Variants in SUPT3H observed in about 807,000 individuals in gnomAD.
The protein encoded by SUPT3H is SPT3 homolog, SAGA and STAGA complex component.
SUPT3H carries 44 observed loss-of-function variants against 44.3 expected under a neutral mutation model. The observed-to-expected ratio is 0.99, with a 90% CI of 0.78 to 1.28. The LOEUF (loss-of-function observed/expected upper bound fraction) is 1.28, where lower values mean the gene tolerates loss of function less well. Ranked by LOEUF, SUPT3H falls within the 50% of genes most tolerant of loss-of-function variation. The pLI is 0.00. For synonymous variants in SUPT3H, 124 were observed against 125.6 expected, an observed-to-expected ratio of 0.99 and a Z score of 0.09; for missense variants, 380 against 387.1, an observed-to-expected ratio of 0.98 and a Z score of 0.15.
intron 2 of SUPT3H, among the ~76,000 whole-genome samples, chr6:45,269,172 G>A (rs748353337): frequency 5.3e-5 from 8 of 152,258 alleles, no homozygotes; most frequent in Admixed American, 6.5e-5. Flanking sequence ...AACAGGTATC[G>A]TCAAATCAAA....
intron 10 of SUPT3H, among the ~76,000 whole-genome samples, chr6:44,856,946 C>T (rs147751581): frequency 3.3e-5 from 5 of 152,152 alleles, no homozygotes; most frequent in South Asian, 2.1e-4. Context: ...ATGGGGACTT[C>T]GGTATTCACG....
chr6:45,360,486 CTG>C (rs1794063099), intron 2 of SUPT3H, among the ~76,000 whole-genome samples: 1 of 152,132 alleles, frequency 6.6e-6, no homozygotes, highest in South Asian at 2.1e-4. Flanking sequence ...TGAAGGAAGC[CTG>C]TGTTAGCTTA....
rs768625933 is a variant in SUPT3H at position 44,932,745 on chromosome 6, C to T, written c.820G>A (p.Val274Ile). The change falls in exon 10 of 11, where the codon GTT (valine) becomes ATT (isoleucine). Residue 274 changes from valine (V) to isoleucine (I), a missense_variant. Val to Ile is a conservative substitution (Grantham distance 29). Coordinates refer to ENST00000371459, the MANE Select transcript of SUPT3H (RefSeq NM_003599.4). ...TGGATGGCATCGCTGTGAGCCTCAA[C>T]ACCACAGGCTGCAGTGCTCTGCGAC... ...NSAESTAACG[V>I]EAHSDAIQPC... 3 of 1,608,332 alleles carry T rather than the reference C, an allele frequency of 1.9e-6. No individual in the cohort carries two copies. The highest frequency in any genetic ancestry group is 2.2e-5 in the East Asian group (1 of 44,560).
At chr6:45,303,701 C>G (rs963766981) in intron 2 of SUPT3H, among the ~76,000 whole-genome samples, 1 of 126,556 alleles carries the variant, frequency 7.9e-6, no homozygotes, top group South Asian at 2.5e-4. Flanking sequence ...AAGAAACAAA[C>G]AAAAAAAGCC....
At chr6:45,179,640 T>G (rs1250870550) in intron 2 of SUPT3H, among the ~76,000 whole-genome samples, 1 of 152,172 alleles carries the variant, frequency 6.6e-6, no homozygotes, top group East Asian at 1.9e-4. Flanking sequence ...CATGATTATC[T>G]CAATAGATGC....
intron 2 of SUPT3H, among the ~76,000 whole-genome samples, chr6:45,298,776 TCTCCACTAAAGTAA>T (rs1202916489): frequency 1.3e-5 from 2 of 152,026 alleles, no homozygotes; most frequent in African/African-American, 4.8e-5. Flanking sequence ...AAACTAAACC[TCTCCACTAAAGTAA>T]CTCTCTAGAA....
chr6:45,086,177 G>A (rs1796449921), intron 3 of SUPT3H, among the ~76,000 whole-genome samples: 1 of 151,908 alleles, frequency 6.6e-6, no homozygotes. Context: ...TTTAATGAGA[G>A]ACACAAAAAA....
intron 10 of SUPT3H, among the ~76,000 whole-genome samples, chr6:44,893,634 G>A (rs1282035168): frequency 1.3e-5 from 2 of 151,510 alleles, no homozygotes; most frequent in Non-Finnish European, 2.9e-5. Context: ...TTGGACATTT[G>A]GGTTGGTTCC....
chr6:44,913,768 T>G (rs1352747560), intron 10 of SUPT3H, among the ~76,000 whole-genome samples: 1 of 152,238 alleles, frequency 6.6e-6, no homozygotes, highest in Non-Finnish European at 1.5e-5. Context: ...CATATTATTC[T>G]GCTACTTGGG....
At chr6:44,947,456 T>C (rs1208443060) in intron 9 of SUPT3H, among the ~76,000 whole-genome samples, 1 of 152,172 alleles carries the variant, frequency 6.6e-6, no homozygotes, top group Non-Finnish European at 1.5e-5. Context: ...AGAAAATCCA[T>C]GTTCATGGAT....
At chr6:44,940,518 G>C (rs565956307) in intron 9 of SUPT3H, among the ~76,000 whole-genome samples, 3 of 152,190 alleles carry the variant, frequency 2.0e-5, no homozygotes, top group African/African-American at 7.2e-5. Flanking sequence ...CAGTTGTTGG[G>C]TAGAATGTTC....
Position 45,113,729 on chromosome 6 carries a change from T to C in SUPT3H, c.102-7723A>G, listed in dbSNP as rs149411009. ...CCTGTAACCCCAGCTACTTGGGAGG[T>C]TGAGGCAGGAGAGTCGCCTGAGCCT... is the stretch of plus-strand genomic sequence containing the variant. On this transcript the variant is annotated intron_variant, in intron 2 of 10. Transcript: ENST00000371459. Among the ~76,000 whole-genome samples the C allele has an allele frequency of 9.4e-3, 1,425 of 151,168 alleles. 19 individuals carry two copies. The highest frequency in any genetic ancestry group is 0.012 in the Non-Finnish European group (828 of 67,838).
intron 3 of SUPT3H, among the ~76,000 whole-genome samples, chr6:45,066,246 G>T (rs970089177): frequency 1.3e-5 from 2 of 152,044 alleles, no homozygotes; most frequent in Admixed American, 6.6e-5. Flanking sequence ...AAAAGCCTTT[G>T]ACAAAATTCA....
chr6:44,944,622 C>T (rs1285444701), intron 9 of SUPT3H, among the ~76,000 whole-genome samples: 5 of 150,912 alleles, frequency 3.3e-5, no homozygotes, highest in Admixed American at 1.3e-4. Context: ...ATTAGCTAGG[C>T]GTAGTGGTGC....
intron 2 of SUPT3H, among the ~76,000 whole-genome samples, chr6:45,257,472 T>A (rs115257388): frequency 0.015 from 2,264 of 152,312 alleles, 58 homozygotes; most frequent in African/African-American, 0.05. Flanking sequence ...TCAAACTTTT[T>A]AAATGTCATA....
At chr6:45,224,420 T>C (rs1385945760) in intron 2 of SUPT3H, among the ~76,000 whole-genome samples, 1 of 152,144 alleles carries the variant, frequency 6.6e-6, no homozygotes, top group Non-Finnish European at 1.5e-5. Context: ...TTTAAATAAA[T>C]GGTAGTGACA....
intron 11 of SUPT3H, among the ~76,000 whole-genome samples, chr6:44,817,691 T>C (rs868228300): frequency 2.0e-5 from 3 of 151,916 alleles, no homozygotes; most frequent in Non-Finnish European, 2.9e-5. Flanking sequence ...TGAAATAAAA[T>C]GAATAATGAA....
intron 2 of SUPT3H, among the ~76,000 whole-genome samples, chr6:45,302,748 T>C (rs1333819159): frequency 6.6e-6 from 1 of 152,056 alleles, no homozygotes; most frequent in African/African-American, 2.4e-5. Flanking sequence ...TTTTTAGTTC[T>C]TTAAGGAATC....
chr6:44,824,738 T>A (rs750708830), downstream of SUPT3H, among the ~76,000 whole-genome samples: 16 of 152,132 alleles, frequency 1.1e-4, no homozygotes, highest in Non-Finnish European at 1.9e-4. Flanking sequence ...GACCTGACTC[T>A]CTCTCTCTGT....
Sources: gnomAD v4.1 joint callset for allele counts (sites outside exome capture counted in the v4.1 genomes callset) on GRCh38, gnomAD v4.1.1 for gene constraint, MANE v1.5 for transcripts, NCBI Gene and HGNC (gene_info 2026-07-23, HGNC 2026-07-21) for gene names.